The following BTF3L4 variants were observed in gnomAD, a reference collection of about 807,000 sequenced individuals.
BTF3L4 encodes the protein transcription factor BTF3 homolog 4.
In BTF3L4, 6 loss-of-function variants were observed where a neutral mutation model predicts 16.8. The ratio of observed to expected loss-of-function variants is 0.36; its 90% CI spans 0.20 to 0.71. The LOEUF (loss-of-function observed/expected upper bound fraction) is 0.71. Among genes scored for constraint, BTF3L4 ranks in the 30% least tolerant of loss-of-function variants. The pLI, the probability that BTF3L4 is intolerant of heterozygous loss-of-function variation, is 0.58. For synonymous variants in BTF3L4, 39 were observed against 59.8 expected (o/e 0.65, Z 1.60); for missense variants, 92 against 186.9 (o/e 0.49, Z 2.96).
At chr1:52,076,316 C>T (rs1686931388) in intron 3 of BTF3L4, among the ~76,000 whole-genome samples, 1 of 151,286 alleles carries the variant, frequency 6.6e-6, no homozygotes, top group African/African-American at 2.4e-5. Context: ...TGGCTCACAC[C>T]TGTAATCCGA....
intron 2 of BTF3L4, 132 bp downstream of exon 2, chr1:52,060,033 A>C: frequency 1.2e-6 from 1 of 827,692 alleles, no homozygotes; most frequent in Non-Finnish European, 1.9e-6. Context: ...CAATTTGAAA[A>C]TAACTTGTCT....
chr1:52,060,729 G>A (rs1250724683), intron 2 of BTF3L4: 1 of 609,468 alleles, frequency 1.6e-6, no homozygotes, highest in Non-Finnish European at 2.1e-6. Context: ...CACAGTTCCT[G>A]GGGATGAGCA....
At chr1:52,075,381 G>A (rs927169437) in intron 3 of BTF3L4, among the ~76,000 whole-genome samples, 40 of 150,886 alleles carry the variant, frequency 2.7e-4, no homozygotes, top group African/African-American at 9.5e-4. Flanking sequence ...TTAGCCGGGC[G>A]TGGTGGCACG....
intron 3 of BTF3L4, among the ~76,000 whole-genome samples, chr1:52,075,712 G>A (rs940746655): frequency 6.6e-6 from 1 of 151,614 alleles, no homozygotes; most frequent in Non-Finnish European, 1.5e-5. Context: ...TGCCCAGGCT[G>A]AAGTGCGGTG....
intron 3 of BTF3L4, chr1:52,065,267 CTTT>C (rs1040675648): frequency 1.9e-4 from 27 of 141,314 alleles, no homozygotes; most frequent in South Asian, 4.2e-4. Flanking sequence ...TGAGATAGAC[CTTT>C]TTTTTTTTTT....
Position 52,089,330 on chromosome 1 carries a change from A to G in BTF3L4, c.*2572A>G, listed in dbSNP as rs1467925272. On this transcript the variant is annotated 3_prime_UTR_variant, in exon 6 of 6. Coordinates refer to ENST00000313334, the MANE Select transcript of BTF3L4 (RefSeq NM_152265.5). ...GGCCTCTCTTGTGTACAATGAGCCA[A>G]TATTCTTTTTTGTTCTATATTTTTG... 1 of 152,118 alleles carries G rather than the reference A, an allele frequency of 6.6e-6. No homozygotes were observed. Among genetic ancestry groups the G allele is most frequent in the African/African-American group, 2.4e-5 (1 of 41,428 alleles). 9.4% of individuals were successfully genotyped at this position (152,118 alleles called of 1,614,324 possible). A position where few individuals can be genotyped will look rare whatever the true frequency, so the allele number is the denominator to read the frequency against.
chr1:52,066,827 C>T (rs1686663772), intron 3 of BTF3L4, among the ~76,000 whole-genome samples: 1 of 151,264 alleles, frequency 6.6e-6, no homozygotes, highest in African/African-American at 2.4e-5. Flanking sequence ...GTCTGGGCAA[C>T]AGAGCGAGAC....
chr1:52,083,858 A>G (rs542615120), intron 4 of BTF3L4, among the ~76,000 whole-genome samples: 57 of 152,076 alleles, frequency 3.7e-4, no homozygotes, highest in Admixed American at 9.2e-4. Flanking sequence ...CGTCTGTACT[A>G]AAAATACAAA....
At chr1:52,061,431 T>C (rs1351827848) in intron 2 of BTF3L4, among the ~76,000 whole-genome samples, 1 of 140,374 alleles carries the variant, frequency 7.1e-6, no homozygotes, top group Non-Finnish European at 1.5e-5. Context: ...GAAGTTGCGG[T>C]GAGCCAAGAT....
chr1:52,063,522 G>A (rs1456712863), intron 2 of BTF3L4, among the ~76,000 whole-genome samples: 1 of 152,042 alleles, frequency 6.6e-6, no homozygotes, highest in African/African-American at 2.4e-5. Flanking sequence ...GATTCCCTGA[G>A]TACTACTATA....
At chr1:52,070,413 A>G (rs1288565755) in intron 3 of BTF3L4, among the ~76,000 whole-genome samples, 2 of 150,962 alleles carry the variant, frequency 1.3e-5, no homozygotes, top group African/African-American at 2.4e-5. Context: ...CCAAACAAAG[A>G]AAAATCCAAG....
chr1:52,060,602 C>A, intron 2 of BTF3L4: 1 of 1,124,360 alleles, frequency 8.9e-7, no homozygotes, highest in Non-Finnish European at 1.1e-6. Context: ...ATATCTCTGC[C>A]CAACACAATC....
chr1:52,074,683 A>G (rs1013824537), intron 3 of BTF3L4, among the ~76,000 whole-genome samples: 22 of 146,000 alleles, frequency 1.5e-4, no homozygotes, highest in Non-Finnish European at 3.0e-4. Flanking sequence ...TAATTTTTGA[A>G]TTTTTAGTAG....
intron 1 of BTF3L4, 103 bp from the exon 2 acceptor site, chr1:52,059,732 G>A (rs1686461941): frequency 1.8e-5 from 15 of 821,504 alleles, no homozygotes; most frequent in Non-Finnish European, 3.0e-5. Flanking sequence ...TCATGGTGTT[G>A]ATGCATACTA....
At chr1:52,085,962 C>T (rs1158674607) in intron 4 of BTF3L4, 150 bp from the exon 5 acceptor site, 13 of 456,886 alleles carry the variant, frequency 2.8e-5, no homozygotes. Context: ...GTTACTCAAG[C>T]AAAAAATATG....
chr1:52,084,532 CT>C (rs1249288511), intron 4 of BTF3L4, among the ~76,000 whole-genome samples: 7 of 151,806 alleles, frequency 4.6e-5, no homozygotes, highest in African/African-American at 1.7e-4. Flanking sequence ...TGGCTCACTC[CT>C]GTAATACCAG....
Position 52,087,902 on chromosome 1 carries a change from G to C in BTF3L4, c.*1144G>C, listed in dbSNP as rs1035452857. On this transcript the variant is annotated 3_prime_UTR_variant, in exon 6 of 6. Transcript: ENST00000313334. Reference sequence around the variant, plus strand: ...ACTCTTGGCCTTGAACCTACCTCTGGGTTGGATCTTACTATTGTAGCTGCT... The same window carrying C: ...ACTCTTGGCCTTGAACCTACCTCTGCGTTGGATCTTACTATTGTAGCTGCT... 1.3e-5 allele frequency: 2 copies of C among 152,516 alleles called. No homozygotes were observed. The highest frequency in any genetic ancestry group is 1.3e-4 in the Admixed American group (2 of 15,250). The allele number at this position is 152,516 out of a possible 1,614,324, so 9.4% of individuals were successfully genotyped here. A position where few individuals can be genotyped will look rare whatever the true frequency, so the allele number is the denominator to read the frequency against.
At chr1:52,072,492 C>T (rs1686815487) in intron 3 of BTF3L4, among the ~76,000 whole-genome samples, 2 of 152,128 alleles carry the variant, frequency 1.3e-5, no homozygotes, top group South Asian at 4.1e-4. Context: ...TCCCCTCTAC[C>T]CCAGCCCTTG....
At chr1:52,079,085 T>C (rs1347343194) in intron 3 of BTF3L4, among the ~76,000 whole-genome samples, 1 of 152,206 alleles carries the variant, frequency 6.6e-6, no homozygotes, top group African/African-American at 2.4e-5. Context: ...TCCCTTCTTT[T>C]ACCCAAAATG....
Sources: gnomAD v4.1 joint callset for allele counts (sites outside exome capture counted in the v4.1 genomes callset) on GRCh38, gnomAD v4.1.1 for gene constraint, MANE v1.5 for transcripts, NCBI Gene and HGNC (gene_info 2026-07-23, HGNC 2026-07-21) for gene names.